Variants in EVL observed in about 807,000 individuals in gnomAD.
EVL encodes the protein Enah/Vasp-like.
Under a neutral mutation model 59.6 loss-of-function variants are expected in EVL, and 21 were observed. The ratio of observed to expected loss-of-function variants is 0.35; its 90% CI spans 0.25 to 0.51. The LOEUF (loss-of-function observed/expected upper bound fraction) is 0.51, where lower values mean the gene tolerates loss of function less well. Ranked by LOEUF, EVL falls within the 20% of genes least tolerant of loss-of-function variation. The pLI is 0.97. For synonymous variants in EVL, 198 were observed against 203.5 expected (o/e 0.97, Z 0.23); for missense variants, 462 against 546.6 (o/e 0.85, Z 1.54).
intron 1 of EVL, among the ~76,000 whole-genome samples, chr14:100,024,588 C>T (rs2061179585): frequency 1.3e-5 from 2 of 152,196 alleles, no homozygotes; most frequent in Admixed American, 1.3e-4. Flanking sequence ...TGGACTCTCT[C>T]CTCCATACCA....
chr14:100,073,346 G>A (rs1242080099), intron 1 of EVL, among the ~76,000 whole-genome samples: 1 of 146,808 alleles, frequency 6.8e-6, no homozygotes, highest in East Asian at 2.0e-4. Context: ...TGGGGAGACA[G>A]GGTCTTGCTC....
At chr14:99,993,214 C>T (rs995084459) in intron 1 of EVL, among the ~76,000 whole-genome samples, 21 of 151,872 alleles carry the variant, frequency 1.4e-4, no homozygotes, top group Admixed American at 7.9e-4. Flanking sequence ...CGTGCCACCA[C>T]GCCTGGCTAA....
At chr14:100,036,541 T>A (rs2061391418) in intron 1 of EVL, among the ~76,000 whole-genome samples, 1 of 152,172 alleles carries the variant, frequency 6.6e-6, no homozygotes, top group Non-Finnish European at 1.5e-5. Context: ...AAGCCAGGCT[T>A]ACCCATAAAC....
intron 1 of EVL, among the ~76,000 whole-genome samples, chr14:100,055,505 T>G (rs1259461924): frequency 6.6e-6 from 1 of 152,246 alleles, no homozygotes; most frequent in African/African-American, 2.4e-5. Flanking sequence ...CTTTCTGAAA[T>G]CTTGTATACC....
At chr14:100,083,342 G>A (rs1304201490) in intron 1 of EVL, among the ~76,000 whole-genome samples, 2 of 151,902 alleles carry the variant, frequency 1.3e-5, no homozygotes, top group African/African-American at 2.4e-5. Flanking sequence ...TTGACCCAAC[G>A]TCTGTCTGGT....
intron 1 of EVL, among the ~76,000 whole-genome samples, chr14:99,995,376 A>G (rs2060906663): frequency 1.3e-5 from 2 of 152,054 alleles, no homozygotes. Context: ...CTTGACTTTG[A>G]GTTCGGTGGT....
intron 1 of EVL, among the ~76,000 whole-genome samples, chr14:99,995,311 CA>C (rs2060905935): frequency 6.6e-6 from 1 of 152,118 alleles, no homozygotes; most frequent in South Asian, 2.1e-4. Flanking sequence ...AGGTTCTCTT[CA>C]CCTTTCTTTA....
intron 3 of EVL, among the ~76,000 whole-genome samples, chr14:100,115,103 A>AT (rs1037853414): frequency 6.6e-6 from 1 of 152,044 alleles, no homozygotes; most frequent in African/African-American, 2.4e-5. Context: ...GATGTGGCAG[A>AT]TTTTTATTGC....
At chr14:100,015,298 A>G (rs1477395028) in intron 1 of EVL, among the ~76,000 whole-genome samples, 1 of 152,240 alleles carries the variant, frequency 6.6e-6, no homozygotes, top group Non-Finnish European at 1.5e-5. Context: ...AAACGAAGGT[A>G]CCGGTTAAGC....
chr14:100,109,758 C>T lies in EVL; in HGVS notation c.358+12100C>T, dbSNP rs772248665. 3 of 522,068 alleles carry T rather than the reference C, an allele frequency of 5.7e-6. No individual in the cohort carries two copies. Among genetic ancestry groups the T allele is most frequent in the Non-Finnish European group, 1.2e-5 (3 of 253,040 alleles). 32.3% of individuals were successfully genotyped at this position (522,068 alleles called of 1,614,324 possible). On this transcript the variant is annotated intron_variant, in intron 3 of 13. Coordinates refer to ENST00000392920, the MANE Select transcript of EVL (RefSeq NM_016337.3). This position sits in a 1 kb window ranked among gnomAD's most constrained non-coding sequence, Gnocchi z 4.3. ...CCCGTCACCTTGGCCTACTTATCAC[C>T]ACCCCAAACAGAGGAACACGCCTTC...
intron 3 of EVL, among the ~76,000 whole-genome samples, chr14:100,101,294 T>C (rs776852595): frequency 5.9e-5 from 9 of 152,182 alleles, no homozygotes; most frequent in Non-Finnish European, 1.0e-4. Context: ...AAGACCAGCC[T>C]GACAAACATA....
chr14:99,975,017 C>T (rs1448596139), intron 1 of EVL: 1 of 94,576 alleles, frequency 1.1e-5, no homozygotes, highest in Non-Finnish European at 2.1e-5. Context: ...GGGACCTACT[C>T]CTTGGCCTTG....
At chr14:99,985,146 T>A (rs531160360) in intron 1 of EVL, among the ~76,000 whole-genome samples, 1 of 150,684 alleles carries the variant, frequency 6.6e-6, no homozygotes, top group Non-Finnish European at 1.5e-5. Flanking sequence ...ATATATATAT[T>A]GAGTACCTAC....
chr14:100,054,049 CTTTTT>C (rs11302582), intron 1 of EVL, among the ~76,000 whole-genome samples: 8 of 61,232 alleles, frequency 1.3e-4, no homozygotes, highest in East Asian at 4.8e-4. Context: ...TATTTTTGGA[CTTTTT>C]TTTTTTTTTT....
chr14:100,014,479 T>G (rs1255791773), intron 1 of EVL, among the ~76,000 whole-genome samples: 1 of 152,214 alleles, frequency 6.6e-6, no homozygotes, highest in East Asian at 1.9e-4. Flanking sequence ...TTTTTATGGT[T>G]GAATAGTACT....
At chr14:99,982,211 T>G (rs983533124) in intron 1 of EVL, among the ~76,000 whole-genome samples, 1 of 152,246 alleles carries the variant, frequency 6.6e-6, no homozygotes, top group African/African-American at 2.4e-5. Flanking sequence ...ATTGAAAGTG[T>G]ACTGTATATT....
chr14:100,118,471 G>A (rs546287835), intron 3 of EVL, among the ~76,000 whole-genome samples: 1 of 152,370 alleles, frequency 6.6e-6, no homozygotes, highest in East Asian at 1.9e-4. Flanking sequence ...GGAGCAGCCT[G>A]TGAAGGGCAC....
At chr14:100,031,351 A>G (rs965273927) in intron 1 of EVL, among the ~76,000 whole-genome samples, 2 of 152,230 alleles carry the variant, frequency 1.3e-5, no homozygotes, top group East Asian at 1.9e-4. Flanking sequence ...CTAGGTTCTA[A>G]TGATGCTGCG....
chr14:100,061,679 T>C (rs147088220), upstream of EVL, among the ~76,000 whole-genome samples: 36 of 152,184 alleles, frequency 2.4e-4, 2 homozygotes, highest in African/African-American at 8.4e-4. Context: ...TTTTAGCTAT[T>C]AAGAGCCTGT....
Sources: allele counts gnomAD v4.1 joint callset (sites outside exome capture counted in the v4.1 genomes callset), GRCh38; gene constraint gnomAD v4.1.1; non-coding constraint Gnocchi (gnomAD v3.1); transcripts MANE v1.5; gene names NCBI Gene and HGNC (gene_info 2026-07-23, HGNC 2026-07-21).